CALN1: variants seen among roughly 807,000 people sequenced by gnomAD.
CALN1 encodes calneuron 1.
In CALN1, 17 loss-of-function variants were observed where a neutral mutation model predicts 30.6. The ratio of observed to expected loss-of-function variants is 0.56; its 90% CI spans 0.38 to 0.83. The LOEUF is 0.83. Ranked by LOEUF, CALN1 falls within the 40% of genes least tolerant of loss-of-function variation. CALN1 has a pLI of 0.00. For missense variants in CALN1, 291 were observed against 354.9 expected (o/e 0.82, Z 1.45); for synonymous variants, 156 against 131.4 (o/e 1.19, Z -1.28).
At chr7:72,375,087 TG>T (rs1231174522) in intron 2 of CALN1, among the ~76,000 whole-genome samples, 1 of 152,226 alleles carries the variant, frequency 6.6e-6, no homozygotes, top group Non-Finnish European at 1.5e-5. Context: ...ACATGGTAGT[TG>T]TATTAATTTG....
intron 3 of CALN1, among the ~76,000 whole-genome samples, chr7:72,260,999 C>G (rs1796234013): frequency 6.6e-6 from 1 of 152,168 alleles, no homozygotes; most frequent in African/African-American, 2.4e-5. Context: ...CACACACCAA[C>G]TGGCACCAGC....
At chr7:71,913,120 C>T (rs1794509519) in intron 5 of CALN1, among the ~76,000 whole-genome samples, 1 of 152,182 alleles carries the variant, frequency 6.6e-6, no homozygotes, top group African/African-American at 2.4e-5. Flanking sequence ...GTGCATGATC[C>T]ACTCAGGGTT....
chr7:72,050,474 G>A (rs1412944410), intron 4 of CALN1, among the ~76,000 whole-genome samples: 1 of 152,104 alleles, frequency 6.6e-6, no homozygotes, highest in Non-Finnish European at 1.5e-5. Context: ...GCTGAAATAA[G>A]CAGACCTCAT....
chr7:71,826,082 A>G (rs1788900267), intron 5 of CALN1, among the ~76,000 whole-genome samples: 1 of 151,322 alleles, frequency 6.6e-6, no homozygotes, highest in Non-Finnish European at 1.5e-5. Flanking sequence ...CAAAAAACCC[A>G]AAACAGTAGG....
At chr7:71,887,960 G>A (rs1056410578) in intron 5 of CALN1, among the ~76,000 whole-genome samples, 2 of 152,048 alleles carry the variant, frequency 1.3e-5, no homozygotes, top group Non-Finnish European at 2.9e-5. Context: ...TGGGACCCGC[G>A]GAGTTTGACA....
At position 72,229,399 on chromosome 7, in the gene CALN1, G is replaced by A. The variant is rs192188767; in HGVS notation, c.244+49287C>T. On this transcript the variant is annotated intron_variant, in intron 3 of 6. Transcript: ENST00000395275. ...CTTGGGAGGCTGAGGCAAGAGGATC[G>A]CTTACCATTTGACCCAACAATCCTA... 1.4e-4 allele frequency among the ~76,000 whole-genome samples: 22 copies of A among 151,976 alleles called. No individual in the cohort carries two copies. The East Asian group carries it at 3.3e-3, about 23-fold the overall frequency.
intron 3 of CALN1, among the ~76,000 whole-genome samples, chr7:72,205,551 A>AAAATATATACATATAT: frequency 2.5e-4 from 21 of 83,044 alleles, no homozygotes; most frequent in African/African-American, 1.5e-3. Flanking sequence ...GCAAAAAAAA[A>AAAATATATACATATAT]ATATATATAT....
At chr7:71,954,800 G>A (rs1401291542) in intron 5 of CALN1, among the ~76,000 whole-genome samples, 1 of 152,228 alleles carries the variant, frequency 6.6e-6, no homozygotes, top group African/African-American at 2.4e-5. Context: ...AGTGGGAGAA[G>A]AGAACTGGCA....
At chr7:72,076,535 T>C (rs1584891841) in intron 4 of CALN1, among the ~76,000 whole-genome samples, 1 of 125,440 alleles carries the variant, frequency 8.0e-6, no homozygotes, top group African/African-American at 3.1e-5. Context: ...GAGGCGGAGG[T>C]TACAGTCAGC....
intron 5 of CALN1, among the ~76,000 whole-genome samples, chr7:71,852,003 A>G (rs1790676177): frequency 6.6e-6 from 1 of 152,202 alleles, no homozygotes; most frequent in Admixed American, 6.5e-5. Context: ...GGCAGAGTCT[A>G]TGGACCACAC....
chr7:72,282,349 T>A (rs564041504), intron 2 of CALN1, among the ~76,000 whole-genome samples: 10 of 152,190 alleles, frequency 6.6e-5, no homozygotes, highest in Non-Finnish European at 1.3e-4. Context: ...ATGAAAACAA[T>A]CTTTCTGTGT....
intron 1 of CALN1, among the ~76,000 whole-genome samples, chr7:72,441,244 G>A (rs1265490521): frequency 6.6e-6 from 1 of 152,116 alleles, no homozygotes; most frequent in East Asian, 1.9e-4. Context: ...AGATGAGAAA[G>A]ATCTGAGCAG....
intron 2 of CALN1, among the ~76,000 whole-genome samples, chr7:72,395,840 G>A (rs1805899248): frequency 6.6e-6 from 1 of 152,140 alleles, no homozygotes. Flanking sequence ...TCCCCCTGGG[G>A]ACTTCTGGGA....
upstream of CALN1, among the ~76,000 whole-genome samples, chr7:72,451,758 C>T (rs79787105): frequency 3.5e-3 from 538 of 152,184 alleles, 8 homozygotes; most frequent in East Asian, 0.033. Flanking sequence ...CTGGCACATC[C>T]TTGTGTTATG....
intron 5 of CALN1, among the ~76,000 whole-genome samples, chr7:72,009,254 T>C (rs919566599): frequency 6.6e-6 from 1 of 152,164 alleles, no homozygotes; most frequent in African/African-American, 2.4e-5. Flanking sequence ...GTTAACTATG[T>C]TTCAAGAACT....
intron 3 of CALN1, among the ~76,000 whole-genome samples, chr7:72,237,322 T>C (rs116579822): frequency 0.031 from 4,751 of 152,242 alleles, 243 homozygotes; most frequent in African/African-American, 0.11. Context: ...GAAGATCAAA[T>C]GGATTTGAGG....
At chr7:72,371,163 GT>G (rs1410509028) in intron 2 of CALN1, among the ~76,000 whole-genome samples, 1 of 151,970 alleles carries the variant, frequency 6.6e-6, no homozygotes, top group African/African-American at 2.4e-5. Context: ...CTAACCTAGG[GT>G]TGCAAAGGTT....
intron 6 of CALN1, among the ~76,000 whole-genome samples, chr7:71,800,309 G>A (rs1040524097): frequency 6.6e-6 from 1 of 152,210 alleles, no homozygotes; most frequent in African/African-American, 2.4e-5. Flanking sequence ...CACACAGCTA[G>A]TTGGCACAGA....
At chr7:72,496,023 A>G in the CALN1 span, among the ~76,000 whole-genome samples, 1 of 152,114 alleles carries the variant, frequency 6.6e-6, no homozygotes, top group African/African-American at 2.4e-5. Flanking sequence ...CAGGTTCAAG[A>G]GATTCTCCTG....
Sources: gnomAD v4.1 joint callset for allele counts (sites outside exome capture counted in the v4.1 genomes callset) on GRCh38, gnomAD v4.1.1 for gene constraint, MANE v1.5 for transcripts, NCBI Gene and HGNC (gene_info 2026-07-23, HGNC 2026-07-21) for gene names.